DAB1: variants seen among roughly 807,000 people sequenced by gnomAD.
The protein encoded by DAB1 is DAB adaptor protein 1.
DAB1 carries 15 observed loss-of-function variants against 64.6 expected under a neutral mutation model. The ratio of observed to expected loss-of-function variants is 0.23; its 90% CI spans 0.16 to 0.36. The LOEUF (loss-of-function observed/expected upper bound fraction) is 0.36, where lower values mean the gene tolerates loss of function less well. DAB1 is among the 10% of genes least tolerant of loss of function. The pLI is 1.00. For synonymous variants in DAB1, 235 were observed against 251.9 expected (o/e 0.93, Z 0.64); for missense variants, 596 against 706.7 (o/e 0.84, Z 1.78).
chr1:57,249,875 A>G (rs1185028474), intron 2 of DAB1, among the ~76,000 whole-genome samples: 1 of 152,210 alleles, frequency 6.6e-6, no homozygotes, highest in Non-Finnish European at 1.5e-5. Context: ...ATGATAATCT[A>G]TTGTTTTCAG....
chr1:57,426,310 A>G (rs570172001), upstream of DAB1, among the ~76,000 whole-genome samples: 1 of 152,240 alleles, frequency 6.6e-6, no homozygotes, highest in Non-Finnish European at 1.5e-5. Context: ...TCCACCACGG[A>G]AACTGGGCAA....
chr1:57,669,825 G>A (rs1646489992), intron 6 of DAB1, among the ~76,000 whole-genome samples: 1 of 152,108 alleles, frequency 6.6e-6, no homozygotes, highest in Non-Finnish European at 1.5e-5. Flanking sequence ...ATATTTAATA[G>A]GATTTGGCTA....
At chr1:57,974,602 A>G (rs1261887744) in intron 5 of DAB1, among the ~76,000 whole-genome samples, 1 of 152,062 alleles carries the variant, frequency 6.6e-6, no homozygotes, top group African/African-American at 2.4e-5. Context: ...TTATATATTG[A>G]AAAAGATCCC....
intron 1 of DAB1, among the ~76,000 whole-genome samples, chr1:57,852,526 C>A (rs574502701): frequency 5.3e-4 from 81 of 152,158 alleles, no homozygotes; most frequent in African/African-American, 1.9e-3. Flanking sequence ...TCACCACTGG[C>A]AGAAGAACAG....
chr1:57,806,097 C>T (rs1473489497), intron 6 of DAB1, among the ~76,000 whole-genome samples: 1 of 152,180 alleles, frequency 6.6e-6, no homozygotes, highest in Non-Finnish European at 1.5e-5. Context: ...GCCATTCTTC[C>T]TATAACCCAT....
intron 1 of DAB1, among the ~76,000 whole-genome samples, chr1:57,838,778 T>C (rs530540694): frequency 2.5e-4 from 38 of 151,098 alleles, no homozygotes; most frequent in Middle Eastern, 6.8e-3. Context: ...TTCCTTTTTT[T>C]TTTTTTTCTT....
intron 4 of DAB1, among the ~76,000 whole-genome samples, chr1:58,328,132 C>A (rs557432276): frequency 6.6e-6 from 1 of 152,256 alleles, no homozygotes; most frequent in African/African-American, 2.4e-5. Flanking sequence ...TGCAGCCCAA[C>A]TTCTCCTTCT....
intron 4 of DAB1, among the ~76,000 whole-genome samples, chr1:57,114,939 T>C (rs934495439): frequency 8.5e-5 from 13 of 152,114 alleles, no homozygotes; most frequent in African/African-American, 3.1e-4. Context: ...TCTTTCTCTA[T>C]CTGTAGAGAT....
chr1:58,399,453 T>C (rs1053455886), intron 3 of DAB1, among the ~76,000 whole-genome samples: 16 of 152,192 alleles, frequency 1.1e-4, no homozygotes, highest in African/African-American at 3.9e-4. Flanking sequence ...GTCTATGTGC[T>C]TGCAGTGCCA....
intron 5 of DAB1, among the ~76,000 whole-genome samples, chr1:58,116,702 G>T (rs60447453): frequency 0.15 from 22,664 of 152,146 alleles, 2,115 homozygotes; most frequent in East Asian, 0.44. Flanking sequence ...AAAGAAGCTA[G>T]ACTTCAATCT....
intron 3 of DAB1, among the ~76,000 whole-genome samples, chr1:58,385,821 G>A (rs1368419533): frequency 6.6e-6 from 1 of 152,180 alleles, no homozygotes; most frequent in Non-Finnish European, 1.5e-5. Flanking sequence ...GGAGATCAAG[G>A]TACCAACATT....
chr1:57,566,496 T>C (rs1307209175), intron 7 of DAB1, among the ~76,000 whole-genome samples: 1 of 152,146 alleles, frequency 6.6e-6, no homozygotes, highest in Non-Finnish European at 1.5e-5. Context: ...AGCTTGTTTT[T>C]TGAAAAGATC....
At chr1:57,851,489 G>C (rs191481962) in intron 1 of DAB1, among the ~76,000 whole-genome samples, 2 of 152,186 alleles carry the variant, frequency 1.3e-5, no homozygotes, top group Non-Finnish European at 2.9e-5. Flanking sequence ...GCGGAGAGAA[G>C]ACCTCAGGCT....
intron 1 of DAB1, among the ~76,000 whole-genome samples, chr1:57,877,034 T>C (rs769352125): frequency 1.3e-5 from 2 of 152,128 alleles, no homozygotes; most frequent in Non-Finnish European, 2.9e-5. Flanking sequence ...TGTGTGTATA[T>C]ATGTGTGTGT....
intron 5 of DAB1, among the ~76,000 whole-genome samples, chr1:58,017,325 T>C (rs779827125): frequency 2.0e-5 from 3 of 152,266 alleles, no homozygotes; most frequent in Admixed American, 1.3e-4. Context: ...GTCACTCTGT[T>C]CTCTGCCAGT....
intron 11 of DAB1, among the ~76,000 whole-genome samples, chr1:57,017,644 G>C (rs776207740): frequency 9.2e-5 from 14 of 152,168 alleles, no homozygotes; most frequent in Non-Finnish European, 1.8e-4. Context: ...ATCTCGCAGT[G>C]TTAAACACTT....
At chr1:58,428,033 GAAGT>G (rs1196573766) in intron 3 of DAB1, among the ~76,000 whole-genome samples, 1 of 152,180 alleles carries the variant, frequency 6.6e-6, no homozygotes, top group Admixed American at 6.5e-5. Context: ...CAAAAACTGG[GAAGT>G]AAGACAAAAT....
chr1:57,921,004 T>G, intron 5 of DAB1, among the ~76,000 whole-genome samples: 1 of 152,224 alleles, frequency 6.6e-6, no homozygotes, highest in African/African-American at 2.4e-5. Flanking sequence ...ATATTTTCAT[T>G]ACCACATCAT....
At chr1:58,283,921 C>G (rs556226719) in intron 4 of DAB1, among the ~76,000 whole-genome samples, 1 of 152,186 alleles carries the variant, frequency 6.6e-6, no homozygotes, top group African/African-American at 2.4e-5. Context: ...CAGTGCCTGG[C>G]TCAGTGTACG....
Sources: gnomAD v4.1 joint callset for allele counts (sites outside exome capture counted in the v4.1 genomes callset) on GRCh38, gnomAD v4.1.1 for gene constraint, MANE v1.5 for transcripts, NCBI Gene and HGNC (gene_info 2026-07-23, HGNC 2026-07-21) for gene names.